REDIC1: variants seen among roughly 807,000 people sequenced by gnomAD.
The protein encoded by REDIC1 is regulator of DNA class I crossover intermediates 1.
chr12:39,849,171 A>G, the REDIC1 span, among the ~76,000 whole-genome samples: 1 of 152,118 alleles, frequency 6.6e-6, no homozygotes, highest in Non-Finnish European at 1.5e-5. Flanking sequence ...AAAACCTAAA[A>G]TAAAGATTTA....
the REDIC1 span, among the ~76,000 whole-genome samples, chr12:39,783,808 C>T: frequency 8.5e-5 from 13 of 152,118 alleles, no homozygotes; most frequent in African/African-American, 2.7e-4. Flanking sequence ...GATGACATGA[C>T]TGTATATTTA....
the REDIC1 span, among the ~76,000 whole-genome samples, chr12:39,735,079 A>G: frequency 6.6e-6 from 1 of 152,210 alleles, no homozygotes; most frequent in African/African-American, 2.4e-5. Context: ...CTAAATTTTG[A>G]GAAGTTGTTT....
the REDIC1 span, among the ~76,000 whole-genome samples, chr12:39,803,308 A>T: frequency 3.3e-5 from 5 of 152,250 alleles, no homozygotes; most frequent in South Asian, 1.0e-3. Context: ...TATGACAATT[A>T]TACAAAATGC....
the REDIC1 span, among the ~76,000 whole-genome samples, chr12:39,896,518 A>G: frequency 1.4e-5 from 2 of 138,486 alleles, no homozygotes; most frequent in Non-Finnish European, 3.2e-5. Flanking sequence ...ACATGTGTGT[A>G]TACATGTATA....
At chr12:39,666,538 G>A in the REDIC1 span, among the ~76,000 whole-genome samples, 1 of 151,962 alleles carries the variant, frequency 6.6e-6, no homozygotes, top group South Asian at 2.1e-4. Flanking sequence ...TTTTTTTGTT[G>A]TGTCTCTGCC....
At chr12:39,865,761 C>A in the REDIC1 span, among the ~76,000 whole-genome samples, 3 of 152,286 alleles carry the variant, frequency 2.0e-5, no homozygotes, top group Admixed American at 1.3e-4. Context: ...TGATCTTTAG[C>A]AAACTAACAC....
At chr12:39,643,031 A>G in the REDIC1 span, among the ~76,000 whole-genome samples, 1 of 151,860 alleles carries the variant, frequency 6.6e-6, no homozygotes, top group Admixed American at 6.6e-5. Flanking sequence ...ACAATTTCGC[A>G]TTTATATTTA....
chr12:39,819,090 T>A, the REDIC1 span, among the ~76,000 whole-genome samples: 7 of 152,258 alleles, frequency 4.6e-5, no homozygotes, highest in Admixed American at 3.3e-4. Flanking sequence ...AGCAAACAGG[T>A]TCCTATCTCT....
chr12:39,695,793 G>A, the REDIC1 span, among the ~76,000 whole-genome samples: 1 of 152,088 alleles, frequency 6.6e-6, no homozygotes, highest in South Asian at 2.1e-4. Flanking sequence ...AGTGGACTTT[G>A]GTTAAGACCC....
the REDIC1 span, among the ~76,000 whole-genome samples, chr12:39,842,616 A>AT: frequency 6.6e-6 from 1 of 151,948 alleles, no homozygotes; most frequent in Non-Finnish European, 1.5e-5. Flanking sequence ...ATTTTTAAAA[A>AT]TTTTTTACTG....
At chr12:39,842,887 CCT>C in the REDIC1 span, among the ~76,000 whole-genome samples, 2 of 151,946 alleles carry the variant, frequency 1.3e-5, no homozygotes, top group African/African-American at 4.8e-5. Flanking sequence ...TTGTTTCTGG[CCT>C]CTTTCACCCA....
the REDIC1 span, among the ~76,000 whole-genome samples, chr12:39,887,729 T>C: frequency 1.3e-5 from 2 of 152,212 alleles, no homozygotes; most frequent in Non-Finnish European, 2.9e-5. Context: ...TTATAATTTG[T>C]CCAAATCCTT....
the REDIC1 span, among the ~76,000 whole-genome samples, chr12:39,733,040 G>T: frequency 6.7e-6 from 1 of 149,118 alleles, no homozygotes; most frequent in Non-Finnish European, 1.5e-5. Flanking sequence ...CATTATTTAT[G>T]TCTTTACAGT....
chr12:39,657,784 A>G, the REDIC1 span, among the ~76,000 whole-genome samples: 2 of 152,044 alleles, frequency 1.3e-5, no homozygotes, highest in African/African-American at 4.8e-5. Context: ...TGATACAGCA[A>G]TATCAATTTT....
the REDIC1 span, among the ~76,000 whole-genome samples, chr12:39,705,642 C>T: frequency 6.6e-6 from 1 of 152,014 alleles, no homozygotes; most frequent in Non-Finnish European, 1.5e-5. Context: ...CCCTGGGATA[C>T]AAGAATGGTT....
chr12:39,826,854 A>ATTTTTTTTTTTTTTTTTTTTTTT, the REDIC1 span, among the ~76,000 whole-genome samples: 2 of 67,414 alleles, frequency 3.0e-5, no homozygotes, highest in Admixed American at 4.5e-4. Flanking sequence ...GTCTCTTTCA[A>ATTTTTTTTTTTTTTTTTTTTTTT]TTTTTTTTTT....
the REDIC1 span, among the ~76,000 whole-genome samples, chr12:39,825,508 T>C: frequency 6.6e-6 from 1 of 152,142 alleles, no homozygotes; most frequent in Non-Finnish European, 1.5e-5. Context: ...CATCTGTAAG[T>C]AGGGTATAGA....
At chr12:39,806,172 A>G in the REDIC1 span, among the ~76,000 whole-genome samples, 1 of 152,218 alleles carries the variant, frequency 6.6e-6, no homozygotes, top group Admixed American at 6.5e-5. Flanking sequence ...AAATTAAGAA[A>G]AAAATCGATG....
At chr12:39,865,867 G>C in the REDIC1 span, among the ~76,000 whole-genome samples, 1 of 152,080 alleles carries the variant, frequency 6.6e-6, no homozygotes, top group Non-Finnish European at 1.5e-5. Flanking sequence ...CAGACACCAG[G>C]GATTACTTGG....
Sources: gnomAD v4.1 joint callset for allele counts (sites outside exome capture counted in the v4.1 genomes callset) on GRCh38, gnomAD v4.1.1 for gene constraint, MANE v1.5 for transcripts, NCBI Gene and HGNC (gene_info 2026-07-23, HGNC 2026-07-21) for gene names.